UBN2: variants seen among roughly 807,000 people sequenced by gnomAD.
The protein encoded by UBN2 is ubinuclein-2.
Under a neutral mutation model 120.2 loss-of-function variants are expected in UBN2, and 35 were observed. The ratio of observed to expected loss-of-function variants is 0.29; its 90% CI spans 0.22 to 0.39. The LOEUF (loss-of-function observed/expected upper bound fraction) is 0.39. UBN2 is among the 10% of genes least tolerant of loss of function. The pLI, the probability that UBN2 is intolerant of heterozygous loss-of-function variation, is 1.00. For synonymous variants in UBN2, 661 were observed against 648.7 expected (o/e 1.02, Z -0.29); for missense variants, 1,693 against 1,663.2 (o/e 1.02, Z -0.31).
At chr7:139,294,230 G>A (rs575412711) in intron 17 of UBN2, among the ~76,000 whole-genome samples, 1 of 152,278 alleles carries the variant, frequency 6.6e-6, no homozygotes, top group Non-Finnish European at 1.5e-5. Context: ...CTAATCAGAG[G>A]ATTCATAAGA....
intron 12 of UBN2, among the ~76,000 whole-genome samples, chr7:139,279,035 C>CT (rs1352181165): frequency 6.6e-6 from 1 of 151,708 alleles, no homozygotes; most frequent in Non-Finnish European, 1.5e-5. Context: ...CCTTGAAGCT[C>CT]TTTTTTTGGG....
chr7:139,250,835 A>T (rs932387440), intron 2 of UBN2, among the ~76,000 whole-genome samples: 2 of 152,206 alleles, frequency 1.3e-5, no homozygotes, highest in African/African-American at 4.8e-5. Context: ...GGCTGGACCC[A>T]GTGGCTCACA....
At chr7:139,258,713 A>T in intron 4 of UBN2, 88 bp downstream of exon 4, 1 of 1,186,250 alleles carries the variant, frequency 8.4e-7, no homozygotes, top group Non-Finnish European at 1.1e-6. Flanking sequence ...GTGTGAATGT[A>T]AGGAAAAGTA....
intron 6 of UBN2, among the ~76,000 whole-genome samples, chr7:139,263,852 A>G (rs17160835): frequency 0.15 from 22,941 of 152,038 alleles, 2,153 homozygotes; most frequent in East Asian, 0.26. Context: ...GTTTATATAC[A>G]TGTGTGACTA....
At chr7:139,277,657 G>A (rs1038321668) in intron 12 of UBN2, 5 of 151,926 alleles carry the variant, frequency 3.3e-5, no homozygotes, top group Non-Finnish European at 7.4e-5. Flanking sequence ...TATATTACAG[G>A]TTTACTTTGT....
chr7:139,248,114 ATATCT>A (rs1796521405), intron 2 of UBN2, among the ~76,000 whole-genome samples: 1 of 152,190 alleles, frequency 6.6e-6, no homozygotes, highest in African/African-American at 2.4e-5. Context: ...TTAAATTCTG[ATATCT>A]TAACATATTG....
chr7:139,276,529 G>A (rs1360721182), intron 12 of UBN2: 3 of 218,442 alleles, frequency 1.4e-5, no homozygotes, highest in Admixed American at 5.4e-5. Flanking sequence ...ACCCACCCTC[G>A]CTGCACTGCA....
chr7:139,275,000 C>G lies in UBN2; in HGVS notation c.1973+926C>G, dbSNP rs139907618. The stretch of plus-strand genomic sequence containing the variant: ...AGTCTCAAGGGTTAAGAATGTGGCC[C>G]GTTGCGGTGGCTCACACCTGTAATA... On this transcript the variant is annotated intron_variant, in intron 11 of 17. Transcript: ENST00000473989. Among the ~76,000 whole-genome samples, 3 of 151,656 alleles carry G rather than the reference C, an allele frequency of 2.0e-5. No homozygotes were observed. The East Asian group carries it at 5.9e-4, about 30-fold the overall frequency.
intron 3 of UBN2, among the ~76,000 whole-genome samples, chr7:139,256,891 T>G (rs1189828740): frequency 6.6e-6 from 1 of 152,212 alleles, no homozygotes; most frequent in Admixed American, 6.5e-5. Context: ...ACCTCTTCAT[T>G]TTTCCATTCT....
chr7:139,289,895 A>C (rs867092855), intron 15 of UBN2, among the ~76,000 whole-genome samples: 3 of 150,454 alleles, frequency 2.0e-5, no homozygotes, highest in Admixed American at 2.0e-4. Context: ...ACTCTGGTTA[A>C]ATTTTTTTTT....
intron 14 of UBN2, 57 bp downstream of exon 14, chr7:139,282,112 G>T: frequency 6.5e-7 from 1 of 1,537,946 alleles, no homozygotes. Flanking sequence ...GTTTGTTTGG[G>T]TTTGTTTAAG....
chr7:139,302,564 AG>A lies in UBN2; in HGVS notation c.*4729del, dbSNP rs1585038113. 6.6e-6 allele frequency: 1 copy of A among 152,438 alleles called. No individual in the cohort carries two copies. Among genetic ancestry groups the A allele is most frequent in the East Asian group, 1.9e-4 (1 of 5,182 alleles). The allele number at this position is 152,438 out of a possible 1,614,324, so 9.4% of individuals were successfully genotyped here. Reference sequence around the variant, plus strand: ...GCCAGGCGTGGTGGCAGGCGCCTGTAGTCCCAGCTACTTGGGAGGCTGAGGC... The same window carrying A: ...GCCAGGCGTGGTGGCAGGCGCCTGTATCCCAGCTACTTGGGAGGCTGAGGC... On this transcript the variant is annotated 3_prime_UTR_variant, in exon 18 of 18. Transcript: ENST00000473989.
rs925489461 is a variant in UBN2, at chr7:139,283,436, C to T, written c.2531C>T (p.Pro844Leu). ...CACACAGGGCCAGTACCAAAGAAAC[C>T]CCAGGATTTAGCTCATACTGGCATC... is the stretch of plus-strand genomic sequence containing the variant. Reference protein sequence around the residue: ...AGHTGPVPKKPQDLAHTGISS... With the variant: ...AGHTGPVPKKLQDLAHTGISS... Residue 844 changes from proline (P) to leucine (L), a missense_variant, in exon 15 of 18, where the codon CCC (proline) becomes CTC (leucine). This residue lies in a region of UBN2 where 837 missense variants were observed against 817.6 expected (regional missense o/e 1.02). Transcript: ENST00000473989. 6.2e-7 allele frequency: 1 copy of T among 1,614,068 alleles called. No individual in the cohort carries two copies. Among genetic ancestry groups the T allele is most frequent in the South Asian group, 1.1e-5 (1 of 91,076 alleles).
At chr7:139,318,927 G>T in the UBN2 span, among the ~76,000 whole-genome samples, 1 of 152,152 alleles carries the variant, frequency 6.6e-6, no homozygotes, top group Non-Finnish European at 1.5e-5. Flanking sequence ...TCTTGCGGGG[G>T]TGGTTCTCCA....
At chr7:139,308,827 T>G (rs979268246), downstream of UBN2, among the ~76,000 whole-genome samples, 8 of 152,142 alleles carry the variant, frequency 5.3e-5, no homozygotes, top group African/African-American at 1.9e-4. Flanking sequence ...ATCCCAGCAC[T>G]TTGGGAGGCA....
chr7:139,323,408 C>G, the UBN2 span, among the ~76,000 whole-genome samples: 1 of 152,114 alleles, frequency 6.6e-6, no homozygotes, highest in Non-Finnish European at 1.5e-5. Context: ...AAGAGGCTGT[C>G]AGGAGTGTGC....
the UBN2 span, among the ~76,000 whole-genome samples, chr7:139,330,034 G>A: frequency 3.3e-5 from 5 of 152,036 alleles, no homozygotes; most frequent in South Asian, 2.1e-4. Flanking sequence ...GTGCACTCTG[G>A]GCAAGGTACC....
downstream of UBN2, among the ~76,000 whole-genome samples, chr7:139,309,106 G>A (rs1798412408): frequency 6.6e-6 from 1 of 152,168 alleles, no homozygotes. Context: ...GTGGGAGAAC[G>A]ATGAAGAGAG....
At position 139,300,284 on chromosome 7, in the gene UBN2, C is replaced by T. The variant is rs1488062392; in HGVS notation, c.*2448C>T. On this transcript the variant is annotated 3_prime_UTR_variant, in exon 18 of 18. Transcript: ENST00000473989. ...AACCCCCACCTGCACTGACGACTTA[C>T]ATTCATTTCAGTCAGGACCCCCCTT... is the stretch of plus-strand genomic sequence containing the variant. The T allele has an allele frequency of 3.3e-5, 5 of 152,066 alleles. No individual in the cohort carries two copies. Among genetic ancestry groups the T allele is most frequent in the Non-Finnish European group, 7.3e-5 (5 of 68,032 alleles). The allele number at this position is 152,066 out of a possible 1,614,324, so 9.4% of individuals were successfully genotyped here.
Sources: allele counts gnomAD v4.1 joint callset (sites outside exome capture counted in the v4.1 genomes callset), GRCh38; gene constraint gnomAD v4.1.1; regional missense constraint gnomAD v4.1.1; transcripts MANE v1.5; gene names NCBI Gene and HGNC (gene_info 2026-07-23, HGNC 2026-07-21).